Variants in CTNNA3 observed in about 807,000 individuals in gnomAD.
The protein encoded by CTNNA3 is catenin alpha-3.
A neutral mutation model predicts 95.7 loss-of-function variants in CTNNA3; 76 were observed. The observed-to-expected ratio is 0.79, with a 90% CI of 0.66 to 0.96. The LOEUF is 0.96. CTNNA3 is among the 40% of genes least tolerant of loss of function. The probability of loss-of-function intolerance (pLI) is 0.00; values close to 1 mark genes in which losing one functional copy is unlikely to be tolerated. For synonymous variants in CTNNA3, 431 were observed against 374.4 expected, an observed-to-expected ratio of 1.15 and a Z score of -1.74; for missense variants, 1,191 against 1,089.8, an observed-to-expected ratio of 1.09 and a Z score of -1.31.
chr10:66,125,689 G>A (rs1263959014), intron 13 of CTNNA3, among the ~76,000 whole-genome samples: 1 of 152,158 alleles, frequency 6.6e-6, no homozygotes, highest in East Asian at 1.9e-4. Context: ...GAACTATCAA[G>A]CTATGAGAAC....
At position 65,949,302 on chromosome 10, in the gene CTNNA3, T is replaced by C. The variant is rs79485967; in HGVS notation, c.2400+17310A>G. ...TAACCATGTGACATTTGGCAAGTTA[T>C]GTTCATTTATTAGCCTTTCTTTTCT... On this transcript the variant is annotated intron_variant, in intron 17 of 17. Coordinates refer to ENST00000433211, the MANE Select transcript of CTNNA3 (RefSeq NM_013266.4). Among the ~76,000 whole-genome samples the C allele has an allele frequency of 8.4e-3, 1,285 of 152,360 alleles. 20 individuals are homozygous for C. The highest frequency in any genetic ancestry group is 0.029 in the African/African-American group (1,198 of 41,590).
intron 5 of CTNNA3, among the ~76,000 whole-genome samples, chr10:67,228,746 A>T (rs779155929): frequency 1.3e-5 from 2 of 152,228 alleles, no homozygotes; most frequent in Non-Finnish European, 2.9e-5. Context: ...ATTCCTGGAA[A>T]AATACAACCC....
chr10:65,942,522 C>T (rs546026959), intron 17 of CTNNA3, among the ~76,000 whole-genome samples: 1 of 152,174 alleles, frequency 6.6e-6, no homozygotes, highest in Admixed American at 6.5e-5. Context: ...ACAGAAACTC[C>T]CTCTCAAAAA....
rs748411943 is a variant in CTNNA3 at position 66,953,635 on chromosome 10, TA to T, written c.1048-178112del. Among the ~76,000 whole-genome samples the T allele has an allele frequency of 1.8e-4, 28 of 152,168 alleles. 1 individual carries two copies. The highest frequency in any genetic ancestry group is 3.4e-4 in the Non-Finnish European group (23 of 68,030). On this transcript the variant is annotated intron_variant, in intron 7 of 17. Coordinates refer to ENST00000433211, the MANE Select transcript of CTNNA3 (RefSeq NM_013266.4). ...AAGATACATTACCTTATAAAAATAA[TA>T]AATATTGCTTAGAGAATTTCATCTA...
chr10:67,042,001 C>T (rs920724301), intron 7 of CTNNA3, among the ~76,000 whole-genome samples: 2 of 151,936 alleles, frequency 1.3e-5, no homozygotes, highest in African/African-American at 2.4e-5. Context: ...ATTGAAGTAA[C>T]CTTAAAGTAC....
chr10:66,455,772 C>G (rs1351858912), intron 11 of CTNNA3, among the ~76,000 whole-genome samples: 2 of 152,176 alleles, frequency 1.3e-5, no homozygotes, highest in Non-Finnish European at 2.9e-5. Flanking sequence ...AATAGGCTTT[C>G]TTTCACCACT....
In CTNNA3 at chr10:66,459,151, A is replaced by G. The variant is rs2093512476; in HGVS notation, c.1531+61466T>C. On this transcript the variant is annotated intron_variant, in intron 11 of 17. Transcript: ENST00000433211. The stretch of plus-strand genomic sequence containing the variant: ...CAAAGATGAAGACTTTTGATAGTCC[A>G]TTTCCATTTAATGAATAGTACATAT... Among the ~76,000 whole-genome samples the G allele has an allele frequency of 1.3e-5, 2 of 152,150 alleles. 1 individual carries two copies. The highest frequency in any genetic ancestry group is 4.1e-4 in the South Asian group (2 of 4,824).
chr10:67,307,131 C>T (rs961338125), intron 5 of CTNNA3, among the ~76,000 whole-genome samples: 3 of 152,058 alleles, frequency 2.0e-5, no homozygotes, highest in Non-Finnish European at 2.9e-5. Flanking sequence ...TAACAAGTTG[C>T]TTAGTATTTT....
At chr10:66,487,387 G>C (rs1839775105) in intron 11 of CTNNA3, among the ~76,000 whole-genome samples, 1 of 151,524 alleles carries the variant, frequency 6.6e-6, no homozygotes, top group Admixed American at 6.6e-5. Context: ...ATTTTTAGTA[G>C]TGACGGGGTT....
intron 5 of CTNNA3, among the ~76,000 whole-genome samples, chr10:67,497,237 C>A (rs926884045): frequency 2.6e-5 from 4 of 152,152 alleles, no homozygotes; most frequent in Admixed American, 6.5e-5. Context: ...CCAGCTTCAT[C>A]CATGTCCCTC....
intron 13 of CTNNA3, among the ~76,000 whole-genome samples, chr10:66,240,008 AG>A (rs1276500328): frequency 2.0e-5 from 3 of 152,114 alleles, no homozygotes; most frequent in East Asian, 3.9e-4. Flanking sequence ...AATAATCTAG[AG>A]CTATATAGAT....
At chr10:65,992,467 T>C (rs2078564832) in intron 15 of CTNNA3, among the ~76,000 whole-genome samples, 2 of 150,960 alleles carry the variant, frequency 1.3e-5, no homozygotes, top group Admixed American at 6.6e-5. Flanking sequence ...CCACACTTGA[T>C]CTTCGTAGGT....
At chr10:67,296,236 A>T (rs759213197) in intron 5 of CTNNA3, among the ~76,000 whole-genome samples, 11 of 152,170 alleles carry the variant, frequency 7.2e-5, no homozygotes, top group Non-Finnish European at 1.3e-4. Context: ...TTTAAGGCAA[A>T]CACCACAATG....
At chr10:66,593,179 C>G (rs1050344995) in intron 10 of CTNNA3, among the ~76,000 whole-genome samples, 1 of 152,196 alleles carries the variant, frequency 6.6e-6, no homozygotes, top group Non-Finnish European at 1.5e-5. Context: ...TAGGATCTTG[C>G]TTAGACATAC....
chr10:67,089,741 G>GTGTC (rs2131904581), intron 7 of CTNNA3, among the ~76,000 whole-genome samples: 1 of 151,694 alleles, frequency 6.6e-6, no homozygotes, highest in South Asian at 2.1e-4. Flanking sequence ...GTGTGTGTGT[G>GTGTC]TGTGTGTGTG....
At chr10:66,708,752 C>G (rs182243796) in intron 9 of CTNNA3, among the ~76,000 whole-genome samples, 117 of 152,190 alleles carry the variant, frequency 7.7e-4, no homozygotes, top group Middle Eastern at 3.4e-3. Context: ...GTCTCACCAC[C>G]TAGGCAATGC....
chr10:67,521,529 A>G (rs1033063561), intron 5 of CTNNA3, among the ~76,000 whole-genome samples: 1 of 152,192 alleles, frequency 6.6e-6, no homozygotes, highest in African/African-American at 2.4e-5. Context: ...CCAAGCCATT[A>G]TAGAGACTCC....
intron 10 of CTNNA3, among the ~76,000 whole-genome samples, chr10:66,617,629 C>T (rs1215741644): frequency 6.6e-6 from 1 of 152,132 alleles, no homozygotes; most frequent in Non-Finnish European, 1.5e-5. Context: ...AATCTGGAAG[C>T]ATTCCCTTTG....
chr10:65,955,902 T>TA (rs1333110498), intron 17 of CTNNA3, among the ~76,000 whole-genome samples: 1 of 152,188 alleles, frequency 6.6e-6, no homozygotes, highest in African/African-American at 2.4e-5. Context: ...GCTGGCCTCA[T>TA]AAAATGAGTT....
Sources: gnomAD v4.1 joint callset for allele counts (sites outside exome capture counted in the v4.1 genomes callset) on GRCh38, gnomAD v4.1.1 for gene constraint, MANE v1.5 for transcripts, NCBI Gene and HGNC (gene_info 2026-07-23, HGNC 2026-07-21) for gene names.